Variants in ROBO4 observed in about 807,000 individuals in gnomAD.
ROBO4 encodes the protein roundabout guidance receptor 4, also known as roundabout homolog 4.
In ROBO4, 80 loss-of-function variants were observed where a neutral mutation model predicts 103.3. The observed-to-expected ratio is 0.77, with a 90% CI of 0.65 to 0.93. The LOEUF is 0.93. Ranked by LOEUF, ROBO4 falls within the 40% of genes least tolerant of loss-of-function variation. The probability of loss-of-function intolerance (pLI) is 0.00; values close to 1 mark genes in which losing one functional copy is unlikely to be tolerated. For synonymous variants in ROBO4, 504 were observed against 529.7 expected, an observed-to-expected ratio of 0.95 and a Z score of 0.67; for missense variants, 1,333 against 1,305.3, an observed-to-expected ratio of 1.02 and a Z score of -0.33.
Position 124,886,646 on chromosome 11 carries a change from C to T in ROBO4, c.2612G>A (p.Gly871Asp), listed in dbSNP as rs975719748. The T allele has an allele frequency of 1.9e-6, 3 of 1,613,896 alleles. No homozygotes were observed. The highest frequency in any genetic ancestry group is 2.5e-6 in the Non-Finnish European group (3 of 1,179,908). ...RPCLTPTPSE[G>D]SLANGWGSAS... is the part of the protein sequence containing the mutation. ...TGAGCCCCAACCATTGGCTAAGGAG[C>T]CCTCGCTGGGGGTGGGGGTGAGGCA... The change falls in exon 16 of 18, where the codon GGC becomes GAC. Residue 871 changes from glycine (G) to aspartate (D), a missense_variant. Transcript: ENST00000306534.
rs767868928 is a variant in ROBO4, at chr11:124,896,306, A to T, written c.571T>A (p.Ser191Thr). ...QPGRHTVSGG[S>T]LLMARAEKSD... is the part of the protein sequence containing the mutation. The stretch of plus-strand genomic sequence containing the variant: ...TTCTCTGCTCTTGCCATCAGCAGGG[A>T]CCCCCCGGACACCTGTCAGGGCCAG... Residue 191 changes from serine (S) to threonine (T), a missense_variant, in exon 4 of 18, where the codon TCC (serine) becomes ACC (threonine). Ser to Thr is a moderately conservative substitution (Grantham distance 58, BLOSUM62 1). Coordinates refer to ENST00000306534, the MANE Select transcript of ROBO4 (RefSeq NM_019055.6). The T allele has an allele frequency of 6.2e-7, 1 of 1,612,366 alleles. No individual in the cohort carries two copies. The highest frequency in any genetic ancestry group is 1.1e-5 in the South Asian group (1 of 90,962).
chr11:124,886,954 T>G, intron 15 of ROBO4, 23 bp downstream of exon 15: 2 of 1,587,194 alleles, frequency 1.3e-6, no homozygotes, highest in Non-Finnish European at 1.7e-6. Context: ...TGTAGTTCTT[T>G]GGTTATCTCT....
At position 124,893,913 on chromosome 11, in the gene ROBO4, C is replaced by A. The variant is rs773540041; in HGVS notation, c.1451G>T (p.Gly484Val). Reference protein sequence around the residue: ...CGVALWLLLLGTAVCIHRRRR... With the variant: ...CGVALWLLLLVTAVCIHRRRR... ...CCGGCGGTGGATACACACGGCGGTG[C>A]CCAGAAGCAGCAGCCAGAGTGCAAC... The change falls in exon 9 of 18, where the codon GGC (glycine) becomes GTC (valine). Residue 484 changes from glycine to valine, a missense_variant. Gly to Val is a moderately radical substitution (Grantham distance 109, BLOSUM62 -3). Coordinates refer to ENST00000306534, the MANE Select transcript of ROBO4 (RefSeq NM_019055.6). The A allele has an allele frequency of 6.2e-7, 1 of 1,611,980 alleles. No homozygotes were observed. Among genetic ancestry groups the A allele is most frequent in the Non-Finnish European group, 8.5e-7 (1 of 1,179,742 alleles).
chr11:124,886,863 G>GA, intron 15 of ROBO4, 41 bp from the exon 16 acceptor site: 1 of 1,529,084 alleles, frequency 6.5e-7, no homozygotes, highest in Non-Finnish European at 8.8e-7. Context: ...GGTTTGGGTG[G>GA]AATGAGGGTT....
chr11:124,886,326 A>C (rs1263433982), intron 16 of ROBO4, 138 bp downstream of exon 16: 31 of 687,620 alleles, frequency 4.5e-5, no homozygotes, highest in Non-Finnish European at 6.6e-5. Context: ...TATTAAATGT[A>C]TGCAAAGCAC....
chr11:124,897,171 T>A lies in ROBO4; in HGVS notation c.161A>T (p.Gln54Leu), dbSNP rs59648931. The A allele has an allele frequency of 6.5e-7, 1 of 1,539,400 alleles. No individual in the cohort carries two copies. Among genetic ancestry groups the A allele is most frequent in the Non-Finnish European group, 8.8e-7 (1 of 1,141,930 alleles). Residue 54 changes from glutamine (Q) to leucine (L), a missense_variant, in exon 2 of 18, where the codon CAA becomes CTA. Coordinates refer to ENST00000306534, the MANE Select transcript of ROBO4 (RefSeq NM_019055.6). The part of the protein sequence containing the change: ...QGPGPARMSC[Q>L]ASGQPPPTIR... Reference sequence around the variant, plus strand: ...GGTGGGAGGTGGCTGGCCTGAGGCTTGGCAGCTCATCCTGGCAGGGCCAGG... The same window carrying A: ...GGTGGGAGGTGGCTGGCCTGAGGCTAGGCAGCTCATCCTGGCAGGGCCAGG...
rs776774231 is a variant in ROBO4 at position 124,893,826 on chromosome 11, C to CCTGTATACAT, written c.1504+24_1504+33dup. 3 of 1,612,912 alleles carry CCTGTATACAT rather than the reference C, an allele frequency of 1.9e-6. No homozygotes were observed. The South Asian group carries it at 3.3e-5, about 18-fold the overall frequency. On this transcript the variant is annotated intron_variant, in intron 9 of 17. Transcript: ENST00000306534. ...CCATTCTGGCTGGATGCTGAGGAGG[C>CCTGTATACAT]CTGTATACATGTGGGTCCCCCTCAG...
At chr11:124,886,945 G>A (rs1283413328) in intron 15 of ROBO4, 32 bp downstream of exon 15, 1 of 1,580,280 alleles carries the variant, frequency 6.3e-7, no homozygotes. Flanking sequence ...CAGCTTTTCT[G>A]TAGTTCTTTG....
intron 4 of ROBO4, 45 bp downstream of exon 4, chr11:124,896,153 G>C: frequency 6.2e-7 from 1 of 1,605,978 alleles, no homozygotes. Context: ...CACCCCAACT[G>C]GAGCCTGCAG....
Position 124,897,782 on chromosome 11 carries a change from C to T in ROBO4, c.14G>A (p.Gly5Glu), listed in dbSNP as rs151070616. 5.5e-5 allele frequency: 88 copies of T among 1,613,424 alleles called. No homozygotes were observed. The highest frequency in any genetic ancestry group is 7.0e-5 in the Non-Finnish European group (83 of 1,179,734). The change falls in exon 1 of 18, where the codon GGA becomes GAA. Residue 5 changes from glycine (G) to glutamate (E), a missense_variant. Coordinates refer to ENST00000306534, the MANE Select transcript of ROBO4 (RefSeq NM_019055.6). MGSG[G>E]DSLLGGRGSL... ...ACCCCTGCCCCCCAGGAGGCTGTCT[C>T]CTCCAGAGCCCATGGCTACTCTCAG...
At chr11:124,889,525 G>T (rs186080812) in intron 12 of ROBO4, among the ~76,000 whole-genome samples, 1 of 152,270 alleles carries the variant, frequency 6.6e-6, no homozygotes, top group East Asian at 1.9e-4. Flanking sequence ...AAGGTGAAAG[G>T]TTGAAACTCA....
Position 124,886,677 on chromosome 11 carries a change from G to C in ROBO4, c.2581C>G (p.Arg861Gly). 6.2e-7 allele frequency: 1 copy of C among 1,613,158 alleles called. No individual in the cohort carries two copies. The highest frequency in any genetic ancestry group is 8.5e-7 in the Non-Finnish European group (1 of 1,179,242). Residue 861 changes from arginine to glycine, a missense_variant, in exon 16 of 18, where the codon CGG becomes GGG. Transcript: ENST00000306534. ...PKGGVLLCPP[R>G]PCLTPTPSEG... ...CTGGGGGTGGGGGTGAGGCAGGGCC[G>C]AGGTGGGCACAGCAAGACTCCCCCC...
In ROBO4 at chr11:124,897,128, A is replaced by G. The variant is rs756399749; in HGVS notation, c.204T>C (p.Asn68=). Residue 68 remains asparagine, a synonymous_variant, in exon 2 of 18, where the codon AAT becomes AAC. Transcript: ENST00000306534. The stretch of plus-strand genomic sequence containing the variant: ...GGGGCACCATGCTCAGGGGCTGCCC[A>G]TTCAGCAACCAGCGGATGGTGGGAG... ...QPPPTIRWLL[N]GQPLSMVPPD... The G allele has an allele frequency of 3.2e-6, 5 of 1,575,710 alleles. No individual in the cohort carries two copies. The highest frequency in any genetic ancestry group is 3.5e-6 in the Non-Finnish European group (4 of 1,158,550).
Position 124,884,839 on chromosome 11 carries a change from T to C in ROBO4, c.*52A>G. On this transcript the variant is annotated 3_prime_UTR_variant, in exon 18 of 18. Transcript: ENST00000306534. ...CACACCACAGCCCAGGTCTTGTGGG[T>C]GGACAGGAGAAGTGGTTCTGATTCC... 2.5e-6 allele frequency: 4 copies of C among 1,608,194 alleles called. No homozygotes were observed. The South Asian group carries it at 4.4e-5, about 18-fold the overall frequency.
At chr11:124,887,269 T>TC in intron 14 of ROBO4, 56 bp from the exon 15 acceptor site, 1 of 1,595,696 alleles carries the variant, frequency 6.3e-7, no homozygotes, top group Non-Finnish European at 8.5e-7. Context: ...TCAAGTCCTT[T>TC]CCCCCCTTCC....
intron 10 of ROBO4, 129 bp downstream of exon 10, chr11:124,893,559 A>T: frequency 1.2e-6 from 1 of 806,800 alleles, no homozygotes; most frequent in Non-Finnish European, 2.2e-6. Context: ...AGTTGGAGTT[A>T]CAGGAGAGAT....
intron 12 of ROBO4, among the ~76,000 whole-genome samples, chr11:124,890,984 T>C (rs538549446): frequency 9.9e-5 from 15 of 152,244 alleles, no homozygotes; most frequent in Non-Finnish European, 2.2e-4. Context: ...TGACGTCTCT[T>C]GTGTTCCCCA....
Position 124,885,106 on chromosome 11 carries a change from C to T in ROBO4, c.2936G>A (p.Trp979Ter), listed in dbSNP as rs1451485269. 6.2e-7 allele frequency: 1 copy of T among 1,614,138 alleles called. No individual in the cohort carries two copies. Among genetic ancestry groups the T allele is most frequent in the Admixed American group, 1.7e-5 (1 of 60,026 alleles). ...TQRLGRGMPP[W>*]PPDSQISSQR... ...GGAAGAGATCTGAGAGTCAGGGGGC[C>T]AGGGAGGCATCCCCCTTCCCAGCCG... Residue 979 changes from tryptophan to a stop codon, truncating the protein, a stop_gained, in exon 17 of 18, where the codon TGG becomes TAG. Coordinates refer to ENST00000306534, the MANE Select transcript of ROBO4 (RefSeq NM_019055.6). LOFTEE classifies it high-confidence loss of function.
At position 124,891,787 on chromosome 11, in the gene ROBO4, G is replaced by A; in HGVS notation, c.1563C>T (p.Asp521=). 3 of 1,614,162 alleles carry A rather than the reference G, an allele frequency of 1.9e-6. No homozygotes were observed. Among genetic ancestry groups the A allele is most frequent in the Non-Finnish European group, 2.5e-6 (3 of 1,180,024 alleles). ...AILKHRMDHS[D]SQWLADTWRS... is the part of the protein sequence containing the mutation. ...GCCAAGTGTCTGCCAACCACTGGGA[G>A]TCACTGTGATCCATCCTGGGGCAGT... The change falls in exon 11 of 18, where the codon GAC becomes GAT. Residue 521 remains aspartate, a synonymous_variant. Transcript: ENST00000306534.
Sources: gnomAD v4.1 joint callset for allele counts (sites outside exome capture counted in the v4.1 genomes callset) on GRCh38, gnomAD v4.1.1 for gene constraint, MANE v1.5 for transcripts, NCBI Gene and HGNC (gene_info 2026-07-23, HGNC 2026-07-21) for gene names.